The following TERF2IP variants were observed in gnomAD, a reference collection of about 807,000 sequenced individuals.
TERF2IP encodes telomeric repeat-binding factor 2-interacting protein 1.
TERF2IP carries 35 observed loss-of-function variants against 33.3 expected under a neutral mutation model. The observed-to-expected ratio is 1.05, with a 90% CI of 0.80 to 1.39. The LOEUF is 1.39. Among genes scored for constraint, TERF2IP ranks in the 40% most tolerant of loss-of-function variants. TERF2IP has a pLI of 0.00. For missense variants in TERF2IP, 583 were observed against 524.8 expected, an observed-to-expected ratio of 1.11 and a Z score of -1.08; for synonymous variants, 253 against 223.2, an observed-to-expected ratio of 1.13 and a Z score of -1.19.
In TERF2IP at chr16:75,656,305, GGAA is replaced by G. The variant is rs747026590; in HGVS notation, c.910_912del (p.Glu304del). 8.5e-5 allele frequency: 137 copies of G among 1,611,776 alleles called. No individual in the cohort carries two copies. Among genetic ancestry groups the G allele is most frequent in the Middle Eastern group, 1.6e-4 (1 of 6,080 alleles). The stretch of plus-strand genomic sequence containing the variant: ...ACTCAGAAACACAGCCTGATGAGGA[GGAA>G]GAAGAAGAAGAAGAAAAAGTTTCTC... On this transcript the variant is annotated inframe_deletion, in exon 3 of 3. Transcript: ENST00000300086.
At chr16:75,656,182 T>A in intron 2 of TERF2IP, 25 bp from the exon 3 acceptor site, 1 of 1,555,066 alleles carries the variant, frequency 6.4e-7, no homozygotes, top group Non-Finnish European at 8.7e-7. Context: ...GATTAGGAGC[T>A]GGTTTTACTC....
chr16:75,648,107 G>T lies in TERF2IP; in HGVS notation c.225G>T (p.Ser75=). 1.3e-6 allele frequency: 2 copies of T among 1,558,082 alleles called. No homozygotes were observed. Among genetic ancestry groups the T allele is most frequent in the South Asian group, 1.2e-5 (1 of 86,544 alleles). The change falls in exon 1 of 3, where the codon TCG becomes TCT. Residue 75 remains serine, a synonymous_variant. Transcript: ENST00000300086. ...AQPGEALAEA[S]GDFISTQYIL... is the part of the protein sequence containing the mutation. ...CCGGGGAGGCGCTGGCCGAGGCCTC[G>T]GGTGATTTCATCTCCACGCAGTACA...
chr16:75,656,114 GAGGGCAAGGGGGTGAT>G (rs2082383558), intron 2 of TERF2IP, 77 bp from the exon 3 acceptor site: 3 of 1,270,848 alleles, frequency 2.4e-6, no homozygotes, highest in Non-Finnish European at 3.3e-6. Context: ...TTGGAATGCA[GAGGGCAAGGGGGTGAT>G]AGTTGGAAGA....
intron 1 of TERF2IP, 119 bp from the exon 2 acceptor site, chr16:75,654,154 A>AC: frequency 1.4e-6 from 1 of 722,310 alleles, no homozygotes; most frequent in East Asian, 4.2e-5. Context: ...ATAGTAAAAA[A>AC]AAAAAAAAAA....
intron 1 of TERF2IP, among the ~76,000 whole-genome samples, chr16:75,653,096 A>T (rs569033390): frequency 2.0e-5 from 3 of 152,190 alleles, no homozygotes; most frequent in South Asian, 2.1e-4. Context: ...TCAGAATTTG[A>T]TTCCTTTTTA....
At position 75,648,036 on chromosome 16, in the gene TERF2IP, AC is replaced by A; in HGVS notation, c.156del (p.Val53CysfsTer90). On this transcript the variant is annotated frameshift_variant, in exon 1 of 3. Coordinates refer to ENST00000300086, the MANE Select transcript of TERF2IP (RefSeq NM_018975.4). LOFTEE classifies it high-confidence loss of function. Reference protein sequence around the residue: ...LSTLILHGGGTVCRVQEPGAV... With the variant: ...LSTLILHGGGXVCRVQEPGAV... ...GACGCTCATCCTGCACGGCGGCGGC[AC>A]CGTGTGCCGAGTGCAGGAGCCCGGG... 6.2e-7 allele frequency: 1 copy of A among 1,610,034 alleles called. No individual in the cohort carries two copies. Among genetic ancestry groups the A allele is most frequent in the East Asian group, 2.2e-5 (1 of 44,722 alleles).
rs1444239322 is a variant in TERF2IP, at chr16:75,657,336, T to C, written c.*725T>C. 6.6e-6 allele frequency: 1 copy of C among 152,244 alleles called. No individual in the cohort carries two copies. Among genetic ancestry groups the C allele is most frequent in the Non-Finnish European group, 1.5e-5 (1 of 68,044 alleles). The allele number at this position is 152,244 out of a possible 1,614,324, so 9.4% of individuals were successfully genotyped here. ...AATGTGTTATTTATTGAGTATTGTTTGTGCTAAGCATTGTGTTAGATTTAA... is the reference window on the plus strand; with the variant it reads ...AATGTGTTATTTATTGAGTATTGTTCGTGCTAAGCATTGTGTTAGATTTAA... On this transcript the variant is annotated 3_prime_UTR_variant, in exon 3 of 3. Coordinates refer to ENST00000300086, the MANE Select transcript of TERF2IP (RefSeq NM_018975.4).
chr16:75,654,868 A>G (rs918098768), intron 2 of TERF2IP, among the ~76,000 whole-genome samples: 3 of 151,932 alleles, frequency 2.0e-5, no homozygotes, highest in Non-Finnish European at 2.9e-5. Context: ...AGCTGGGACT[A>G]CAGGCGCCCA....
chr16:75,653,941 A>G (rs1224239354), intron 1 of TERF2IP, among the ~76,000 whole-genome samples: 2 of 152,176 alleles, frequency 1.3e-5, no homozygotes, highest in Non-Finnish European at 2.9e-5. Context: ...AAGGAACCCA[A>G]TTTATGACAC....
At chr16:75,652,511 A>G (rs1260989287) in intron 1 of TERF2IP, among the ~76,000 whole-genome samples, 5 of 152,214 alleles carry the variant, frequency 3.3e-5, no homozygotes, top group African/African-American at 4.8e-5. Context: ...TTTTAAATCT[A>G]TACTTTTCAT....
intron 1 of TERF2IP, among the ~76,000 whole-genome samples, chr16:75,648,876 T>G (rs1282666191): frequency 1.3e-5 from 2 of 151,516 alleles, no homozygotes; most frequent in Non-Finnish European, 2.9e-5. Context: ...TATTTTTTAA[T>G]TTTTGAGTGG....
chr16:75,652,058 G>A lies in TERF2IP; in HGVS notation c.671-2215G>A, dbSNP rs188260616. On this transcript the variant is annotated intron_variant, in intron 1 of 2. Transcript: ENST00000300086. ...GACAATATCTGATGACATTTATAAC[G>A]TATATTCCCTTAAACATGGCAGTTT... Among the ~76,000 whole-genome samples the A allele has an allele frequency of 1.2e-3, 183 of 152,238 alleles. 1 individual carries two copies. Among genetic ancestry groups the A allele is most frequent in the Non-Finnish European group, 2.2e-3 (150 of 68,016 alleles).
At position 75,648,131 on chromosome 16, in the gene TERF2IP, C is replaced by T; in HGVS notation, c.249C>T (p.Tyr83=). The T allele has an allele frequency of 1.9e-6, 3 of 1,560,896 alleles. No individual in the cohort carries two copies. Among genetic ancestry groups the T allele is most frequent in the Non-Finnish European group, 2.6e-6 (3 of 1,154,730 alleles). The change falls in exon 1 of 3, where the codon TAC becomes TAT. Residue 83 remains tyrosine (Y), a synonymous_variant. Transcript: ENST00000300086. ...CGGGTGATTTCATCTCCACGCAGTA[C>T]ATCCTGGACTGCGTGGAGCGCAACG... ...EASGDFISTQ[Y]ILDCVERNER...
chr16:75,654,854 G>A (rs1047537935), intron 2 of TERF2IP, among the ~76,000 whole-genome samples: 3 of 151,754 alleles, frequency 2.0e-5, no homozygotes, highest in Admixed American at 1.3e-4. Flanking sequence ...TCAGCCTCCC[G>A]AGTAGCTGGG....
intron 1 of TERF2IP, chr16:75,648,753 C>A (rs918464108): frequency 1.4e-6 from 2 of 1,390,698 alleles, no homozygotes; most frequent in African/African-American, 2.9e-5. Context: ...TGCGATGGGT[C>A]TCTGTTACCT....
At position 75,654,363 on chromosome 16, in the gene TERF2IP, T is replaced by G. The variant is rs766706163; in HGVS notation, c.761T>G (p.Leu254Arg). 2.2e-5 allele frequency: 35 copies of G among 1,613,852 alleles called. No individual in the cohort carries two copies. Among genetic ancestry groups the G allele is most frequent in the Non-Finnish European group, 2.6e-5 (31 of 1,179,912 alleles). ...QENEEAVKKM[L>R]VEATREFEEV... Reference sequence around the variant, plus strand: ...AATGAAGAAGCAGTCAAAAAGATGCTTGTGGAAGCCACCCGGGAGTTTGAG... The same window carrying G: ...AATGAAGAAGCAGTCAAAAAGATGCGTGTGGAAGCCACCCGGGAGTTTGAG... The change falls in exon 2 of 3, where the codon CTT (leucine) becomes CGT (arginine). Residue 254 changes from leucine to arginine, a missense_variant. Transcript: ENST00000300086.
chr16:75,650,756 C>T (rs866425248), intron 1 of TERF2IP, among the ~76,000 whole-genome samples: 3 of 151,994 alleles, frequency 2.0e-5, no homozygotes, highest in African/African-American at 7.3e-5. Context: ...AGGCTGGTCT[C>T]GAACTCCTGG....
chr16:75,652,893 T>C (rs2082357577), intron 1 of TERF2IP, among the ~76,000 whole-genome samples: 1 of 152,180 alleles, frequency 6.6e-6, no homozygotes, highest in African/African-American at 2.4e-5. Context: ...GTCAGAAACA[T>C]GCCTATTAAA....
Position 75,656,500 on chromosome 16 carries a change from C to T in TERF2IP, c.1089C>T (p.Ser363=). ...GQRADGYPIW[S]RQDDIDLQKD... is the part of the protein sequence containing the mutation. ...GAGCTGATGGATATCCCATTTGGTC[C>T]CGACAAGATGACATAGATTTGCAAA... The change falls in exon 3 of 3, where the codon TCC becomes TCT. Residue 363 remains serine (S), a synonymous_variant. Transcript: ENST00000300086. 1 of 1,614,012 alleles carries T rather than the reference C, an allele frequency of 6.2e-7. No homozygotes were observed. Among genetic ancestry groups the T allele is most frequent in the Non-Finnish European group, 8.5e-7 (1 of 1,180,024 alleles).
Sources: gnomAD v4.1 joint callset for allele counts (sites outside exome capture counted in the v4.1 genomes callset) on GRCh38, gnomAD v4.1.1 for gene constraint, MANE v1.5 for transcripts, NCBI Gene and HGNC (gene_info 2026-07-23, HGNC 2026-07-21) for gene names.